Variants in MGAT4C observed in about 807,000 individuals in gnomAD.
MGAT4C encodes the protein alpha-1,3-mannosyl-glycoprotein 4-beta-N-acetylglucosaminyltransferase C.
Under a neutral mutation model 40.1 loss-of-function variants are expected in MGAT4C, and 19 were observed. That is an observed-to-expected ratio of 0.47 (90% CI 0.33 to 0.70). The LOEUF is 0.70. Ranked by LOEUF, MGAT4C falls within the 30% of genes least tolerant of loss-of-function variation. MGAT4C has a pLI of 0.02. For synonymous variants in MGAT4C, 181 were observed against 187.1 expected (o/e 0.97, Z 0.27); for missense variants, 491 against 563.2 (o/e 0.87, Z 1.30).
At chr12:86,753,595 A>G (rs990005171) in intron 1 of MGAT4C, among the ~76,000 whole-genome samples, 5 of 151,982 alleles carry the variant, frequency 3.3e-5, no homozygotes, top group African/African-American at 1.2e-4. Flanking sequence ...GCAGTCACGC[A>G]ATGGGAGACT....
At chr12:86,095,778 CTACTT>C in intron 1 of MGAT4C, among the ~76,000 whole-genome samples, 1 of 104,772 alleles carries the variant, frequency 9.5e-6, no homozygotes, top group South Asian at 3.8e-4. Flanking sequence ...TAAGCTTATT[CTACTT>C]TACTTATATT....
intron 3 of MGAT4C, among the ~76,000 whole-genome samples, chr12:86,355,898 C>A (rs942477520): frequency 4.6e-5 from 7 of 152,002 alleles, no homozygotes; most frequent in African/African-American, 1.7e-4. Flanking sequence ...AATTTTATAA[C>A]TTTGCTGTTA....
rs530536357 is a variant in MGAT4C at position 86,688,727 on chromosome 12, T to A, written c.-229+38482A>T. ...ACAGAGAGATCTGCTGTTATTCTAA[T>A]GGGCTCCCCTTTATGGGTAACCTGA... On this transcript the variant is annotated intron_variant, in intron 2 of 7. Coordinates refer to the MGAT4C transcript ENST00000548651. Among the ~76,000 whole-genome samples, 5 of 152,344 alleles carry A rather than the reference T, an allele frequency of 3.3e-5. No individual in the cohort carries two copies. In the South Asian group the frequency reaches 8.3e-4, roughly 25 times the overall value.
chr12:86,317,485 A>G (rs1414395285), intron 4 of MGAT4C, among the ~76,000 whole-genome samples: 1 of 152,174 alleles, frequency 6.6e-6, no homozygotes, highest in African/African-American at 2.4e-5. Flanking sequence ...TTGTTGAGAC[A>G]TTTATATGTG....
chr12:86,346,642 A>G (rs1361174547), intron 3 of MGAT4C, among the ~76,000 whole-genome samples: 1 of 152,194 alleles, frequency 6.6e-6, no homozygotes, highest in Non-Finnish European at 1.5e-5. Context: ...CTCACATTGG[A>G]GGATAACTGC....
At chr12:86,596,844 C>T (rs889091194) in intron 2 of MGAT4C, among the ~76,000 whole-genome samples, 1 of 152,128 alleles carries the variant, frequency 6.6e-6, no homozygotes, top group African/African-American at 2.4e-5. Flanking sequence ...AATCCTAAGC[C>T]CTCTACTGAA....
chr12:85,988,131 A>G (rs1885460204), intron 3 of MGAT4C, among the ~76,000 whole-genome samples: 3 of 152,126 alleles, frequency 2.0e-5, no homozygotes, highest in Admixed American at 2.0e-4. Flanking sequence ...ACCTACTCAA[A>G]TCCTGTTTAA....
chr12:86,331,798 C>T lies in MGAT4C; in HGVS notation c.-57+2267G>A, dbSNP rs539115717. Among the ~76,000 whole-genome samples, 34 of 152,242 alleles carry T rather than the reference C, an allele frequency of 2.2e-4. No individual in the cohort carries two copies. The Middle Eastern group carries it at 0.01, about 46-fold the overall frequency. On this transcript the variant is annotated intron_variant, in intron 4 of 7. Transcript: ENST00000548651. ...AAGATAGAACTATTTAAAACTACCA[C>T]TATAATCTGAGCAGCAAATGTTTGT... is the stretch of plus-strand genomic sequence containing the variant.
chr12:86,460,683 G>GATAT (rs75838372), intron 2 of MGAT4C, among the ~76,000 whole-genome samples: 55 of 148,804 alleles, frequency 3.7e-4, no homozygotes, highest in Non-Finnish European at 6.1e-4. Flanking sequence ...TCTTAAAGAT[G>GATAT]ATATATATAT....
chr12:86,589,207 A>T (rs1203587381), intron 2 of MGAT4C, among the ~76,000 whole-genome samples: 1 of 152,132 alleles, frequency 6.6e-6, no homozygotes, highest in Non-Finnish European at 1.5e-5. Flanking sequence ...GCAATAAAAA[A>T]TGATAAAGGG....
chr12:86,104,705 T>C (rs1565987196), intron 1 of MGAT4C, among the ~76,000 whole-genome samples: 1 of 152,180 alleles, frequency 6.6e-6, no homozygotes. Context: ...TAAGCCATAG[T>C]ATTTGTTGAA....
chr12:86,484,763 C>T (rs1234417187), intron 2 of MGAT4C, among the ~76,000 whole-genome samples: 1 of 152,150 alleles, frequency 6.6e-6, no homozygotes, highest in African/African-American at 2.4e-5. Context: ...CCCAAATGCC[C>T]AGAACACCTG....
At chr12:86,285,094 A>C (rs1001947748) in intron 4 of MGAT4C, among the ~76,000 whole-genome samples, 1 of 152,016 alleles carries the variant, frequency 6.6e-6, no homozygotes, top group African/African-American at 2.4e-5. Flanking sequence ...TTTGAGATCA[A>C]ACACATTTAA....
At chr12:86,787,792 G>A (rs190892729) in intron 1 of MGAT4C, among the ~76,000 whole-genome samples, 1 of 152,210 alleles carries the variant, frequency 6.6e-6, no homozygotes, top group Admixed American at 6.5e-5. Context: ...CTATTGCCCA[G>A]GCTGGAGTGC....
intron 2 of MGAT4C, among the ~76,000 whole-genome samples, chr12:86,619,645 T>C (rs564367948): frequency 6.6e-6 from 1 of 152,298 alleles, no homozygotes; most frequent in Admixed American, 6.5e-5. Context: ...CCTGTGCCCA[T>C]ATATGCTCTT....
chr12:86,442,934 G>A (rs936643257), intron 2 of MGAT4C, among the ~76,000 whole-genome samples: 1 of 152,106 alleles, frequency 6.6e-6, no homozygotes, highest in Admixed American at 6.6e-5. Flanking sequence ...ATTACAACTT[G>A]TTAGAGGCTC....
chr12:86,056,442 T>G (rs1893400216), intron 1 of MGAT4C, among the ~76,000 whole-genome samples: 1 of 152,182 alleles, frequency 6.6e-6, no homozygotes, highest in Non-Finnish European at 1.5e-5. Context: ...GTCCAAGTGT[T>G]CTCATTGTTC....
intron 1 of MGAT4C, among the ~76,000 whole-genome samples, chr12:86,246,680 A>G (rs2136062286): frequency 6.6e-6 from 1 of 152,318 alleles, no homozygotes; most frequent in East Asian, 1.9e-4. Context: ...TTAATAATTC[A>G]TATATCTGCC....
intron 2 of MGAT4C, among the ~76,000 whole-genome samples, chr12:86,504,344 T>C (rs898950151): frequency 1.3e-5 from 2 of 152,130 alleles, no homozygotes; most frequent in Admixed American, 1.3e-4. Flanking sequence ...GCTAGAATAT[T>C]CATAGAAGCA....
Sources: gnomAD v4.1 joint callset for allele counts (sites outside exome capture counted in the v4.1 genomes callset) on GRCh38, gnomAD v4.1.1 for gene constraint, MANE v1.5 for transcripts, NCBI Gene and HGNC (gene_info 2026-07-23, HGNC 2026-07-21) for gene names.